The following MPZL2 variants were observed in gnomAD, a reference collection of about 807,000 sequenced individuals.
MPZL2 encodes myelin protein zero like 2.
MPZL2 carries 32 observed loss-of-function variants against 24.5 expected under a neutral mutation model. The observed-to-expected ratio is 1.31, with a 90% CI of 0.99 to 1.76. The LOEUF (loss-of-function observed/expected upper bound fraction) is 1.76, where lower values mean the gene tolerates loss of function less well. MPZL2 is among the 40% of genes most tolerant of loss of function. The pLI is 0.00. For synonymous variants in MPZL2, 92 were observed against 97.9 expected, an observed-to-expected ratio of 0.94 and a Z score of 0.36; for missense variants, 304 against 274.9, an observed-to-expected ratio of 1.11 and a Z score of -0.75.
Position 118,264,211 on chromosome 11 carries a change from C to T in MPZL2, c.-58G>A, listed in dbSNP as rs1056194368. ...ACGGGGCAGACCGAGGGCTCCAACACCCTGCCAAGGCCACTCCGGGAGGAG... is the reference window on the plus strand; with the variant it reads ...ACGGGGCAGACCGAGGGCTCCAACATCCTGCCAAGGCCACTCCGGGAGGAG... On this transcript the variant is annotated 5_prime_UTR_variant, in exon 1 of 6. It adds an upstream start codon to the 5' untranslated region. Transcript: ENST00000278937. 8.8e-5 allele frequency: 138 copies of T among 1,566,150 alleles called. No individual in the cohort carries two copies. The highest frequency in any genetic ancestry group is 1.2e-4 in the Admixed American group (7 of 59,836).
intron 5 of MPZL2, among the ~76,000 whole-genome samples, 166 bp from the exon 6 acceptor site, chr11:118,255,399 A>G (rs964635348): frequency 6.6e-6 from 1 of 152,180 alleles, no homozygotes; most frequent in Non-Finnish European, 1.5e-5. Flanking sequence ...CCTAATCCTT[A>G]TTACATAATT....
At chr11:118,258,271 G>GA (rs548967709) in intron 4 of MPZL2, among the ~76,000 whole-genome samples, 33 of 152,108 alleles carry the variant, frequency 2.2e-4, no homozygotes, top group South Asian at 1.9e-3. Context: ...CAGCAAAAGA[G>GA]AAAAAATAAA....
intron 4 of MPZL2, among the ~76,000 whole-genome samples, chr11:118,257,857 A>T (rs9919574): frequency 0.57 from 85,960 of 151,472 alleles, 24,826 homozygotes; most frequent in South Asian, 0.74. Flanking sequence ...CTAAAAATAC[A>T]AAATTAGCTG....
chr11:118,263,118 A>G, intron 1 of MPZL2, 21 bp from the exon 2 acceptor site: 1 of 1,609,744 alleles, frequency 6.2e-7, no homozygotes, highest in Non-Finnish European at 8.5e-7. Flanking sequence ...AAAGAAGAAA[A>G]AGAAGGGTTA....
Position 118,262,593 on chromosome 11 carries a change from C to G in MPZL2, c.281G>C (p.Arg94Pro), listed in dbSNP as rs368055379. 10 of 1,613,990 alleles carry G rather than the reference C, an allele frequency of 6.2e-6. No homozygotes were observed. The highest frequency in any genetic ancestry group is 8.5e-6 in the Non-Finnish European group (10 of 1,180,038). Residue 94 changes from arginine (R) to proline (P), a missense_variant, in exon 3 of 6, where the codon CGG (arginine) becomes CCG (proline). Transcript: ENST00000278937. Reference protein sequence around the residue: ...FQPMSGRFKDRVSWDGNPERY... With the variant: ...FQPMSGRFKDPVSWDGNPERY... The stretch of plus-strand genomic sequence containing the variant: ...CTCAGGATTCCCATCCCAAGACACC[C>G]GGTCCTTAAACCGCCCACTCATGGG...
chr11:118,260,326 A>T, intron 3 of MPZL2, 125 bp from the exon 4 acceptor site: 1 of 962,660 alleles, frequency 1.0e-6, no homozygotes, highest in Non-Finnish European at 1.5e-6. Flanking sequence ...TTTATGCATA[A>T]AATAATATAT....
At chr11:118,257,174 A>G (rs1591503927) in intron 5 of MPZL2, 64 bp downstream of exon 5, 10 of 1,233,504 alleles carry the variant, frequency 8.1e-6, no homozygotes, top group African/African-American at 1.5e-5. Context: ...GGGAGTCCTC[A>G]TTAGAGATGG....
chr11:118,259,536 G>C (rs1321693122), intron 4 of MPZL2: 4 of 152,640 alleles, frequency 2.6e-5, no homozygotes, highest in Non-Finnish European at 5.8e-5. Context: ...GATAGCTAGG[G>C]ATATGGGGTT....
Position 118,262,598 on chromosome 11 carries a change from C to G in MPZL2, c.276G>C (p.Lys92Asn). ...DPFQPMSGRF[K>N]DRVSWDGNPE... ...GATTCCCATCCCAAGACACCCGGTCCTTAAACCGCCCACTCATGGGTTGGA... is the reference window on the plus strand; with the variant it reads ...GATTCCCATCCCAAGACACCCGGTCGTTAAACCGCCCACTCATGGGTTGGA... The change falls in exon 3 of 6, where the codon AAG becomes AAC. Residue 92 changes from lysine to asparagine, a missense_variant. Physicochemically the swap from Lys to Asn is moderately conservative, Grantham distance 94. Transcript: ENST00000278937. 8 of 1,614,120 alleles carry G rather than the reference C, an allele frequency of 5.0e-6. No homozygotes were observed. The highest frequency in any genetic ancestry group is 6.8e-6 in the Non-Finnish European group (8 of 1,180,020).
At chr11:118,262,742 A>G in intron 2 of MPZL2, 94 bp from the exon 3 acceptor site, 2 of 1,392,734 alleles carry the variant, frequency 1.4e-6, no homozygotes, top group South Asian at 1.2e-5. Flanking sequence ...AGCAAACCCA[A>G]CTGTCCTGTC....
intron 2 of MPZL2, 101 bp downstream of exon 2, chr11:118,262,830 T>G: frequency 6.8e-7 from 1 of 1,463,060 alleles, no homozygotes; most frequent in Non-Finnish European, 9.4e-7. Flanking sequence ...CTTAACCTTG[T>G]GCTTGCTGCT....
chr11:118,262,524 T>C lies in MPZL2; in HGVS notation c.350A>G (p.Asp117Gly). 1 of 1,614,228 alleles carries C rather than the reference T, an allele frequency of 6.2e-7. No individual in the cohort carries two copies. Among genetic ancestry groups the C allele is most frequent in the Admixed American group, 1.7e-5 (1 of 60,036 alleles). The change falls in exon 3 of 6, where the codon GAC (aspartate) becomes GGC (glycine). Residue 117 changes from aspartate (D) to glycine (G), a missense_variant. Asp to Gly is a moderately conservative substitution (Grantham distance 94). Coordinates refer to ENST00000278937, the MANE Select transcript of MPZL2 (RefSeq NM_005797.4). ...SILLWKLQFD[D>G]NGTYTCQVKN... ...CACCTGGCAGGTGTATGTCCCATTG[T>C]CGTCGAACTGCAGTTTCCAGAGAAG...
At chr11:118,263,193 T>A in intron 1 of MPZL2, 96 bp from the exon 2 acceptor site, 1 of 1,251,914 alleles carries the variant, frequency 8.0e-7, no homozygotes, top group Non-Finnish European at 1.1e-6. Flanking sequence ...GAGTAGGACT[T>A]AAAGTAAAGT....
chr11:118,256,880 A>G (rs1949663478), intron 5 of MPZL2: 1 of 156,498 alleles, frequency 6.4e-6, no homozygotes, highest in African/African-American at 2.4e-5. Flanking sequence ...TTGGTTTACA[A>G]TTAAAAAAAA....
intron 3 of MPZL2, among the ~76,000 whole-genome samples, chr11:118,261,804 G>T (rs1328417033): frequency 6.6e-6 from 1 of 152,144 alleles, no homozygotes. Flanking sequence ...AAGTTGATTG[G>T]GTTTGAGTCC....
intron 1 of MPZL2, among the ~76,000 whole-genome samples, 178 bp downstream of exon 1, chr11:118,263,918 A>T (rs1949720774): frequency 6.6e-6 from 1 of 152,182 alleles, no homozygotes; most frequent in Non-Finnish European, 1.5e-5. Flanking sequence ...TGTTTGTCCG[A>T]GAGCAGTTCT....
chr11:118,261,361 AGCTGTG>A (rs1450284153), intron 3 of MPZL2, among the ~76,000 whole-genome samples: 2 of 152,214 alleles, frequency 1.3e-5, no homozygotes, highest in African/African-American at 4.8e-5. Context: ...TGAAATACTT[AGCTGTG>A]TGATTTGAAG....
chr11:118,258,194 T>C (rs553138741), intron 4 of MPZL2, among the ~76,000 whole-genome samples: 1 of 152,254 alleles, frequency 6.6e-6, no homozygotes, highest in African/African-American at 2.4e-5. Context: ...GAAGAAAACA[T>C]AGCCATAAAT....
chr11:118,257,321 A>C lies in MPZL2; in HGVS notation c.585-8T>G, dbSNP rs1473558393. 6 of 1,610,018 alleles carry C rather than the reference A, an allele frequency of 3.7e-6. No individual in the cohort carries two copies. The Admixed American group carries it at 5.0e-5, about 13-fold the overall frequency. On this transcript the variant is annotated splice_region_variant and splice_polypyrimidine_tract_variant and intron_variant, in intron 4 of 5. Coordinates refer to ENST00000278937, the MANE Select transcript of MPZL2 (RefSeq NM_005797.4). ...AGCCTTTCCTCTTCTTTTCTGTAAC[A>C]AGCAGAAACCAAATGTCAGGTGAAC...
Sources: gnomAD v4.1 joint callset for allele counts (sites outside exome capture counted in the v4.1 genomes callset) on GRCh38, gnomAD v4.1.1 for gene constraint, MANE v1.5 for transcripts, NCBI Gene and HGNC (gene_info 2026-07-23, HGNC 2026-07-21) for gene names.